Variants in RNASE10 observed in about 807,000 individuals in gnomAD.
RNASE10 encodes the protein inactive ribonuclease-like protein 10.
In RNASE10, 2 loss-of-function variants were observed where a neutral mutation model predicts 1.1. The ratio of observed to expected loss-of-function variants is 1.82; its 90% CI spans 0.74 to 5.73. The LOEUF is 5.73. RNASE10 is among the 30% of genes most tolerant of loss of function. The probability of loss-of-function intolerance (pLI) is 0.05; values close to 1 mark genes in which losing one functional copy is unlikely to be tolerated. For missense variants in RNASE10, 276 were observed against 263.4 expected, an observed-to-expected ratio of 1.05 and a Z score of -0.33; for synonymous variants, 97 against 96.2, an observed-to-expected ratio of 1.01 and a Z score of -0.05.
chr14:20,507,314 C>T (rs1882768859), intron 1 of RNASE10, among the ~76,000 whole-genome samples: 1 of 133,370 alleles, frequency 7.5e-6, no homozygotes. Flanking sequence ...GTGACCTTAT[C>T]CCCAACCCTG....
At chr14:20,509,130 T>G (rs1882831590) in intron 1 of RNASE10, among the ~76,000 whole-genome samples, 1 of 152,238 alleles carries the variant, frequency 6.6e-6, no homozygotes, top group Non-Finnish European at 1.5e-5. Flanking sequence ...TGGCACCATC[T>G]TGGCCTTCTC....
At chr14:20,506,182 T>TGGG (rs533565506) in intron 1 of RNASE10, among the ~76,000 whole-genome samples, 163 bp downstream of exon 1, 560 of 85,644 alleles carry the variant, frequency 6.5e-3, no homozygotes, top group Non-Finnish European at 7.9e-3. Context: ...GGGAGGGAGG[T>TGGG]GGGGGGGGGT....
chr14:20,507,961 G>T (rs1320677573), intron 1 of RNASE10, among the ~76,000 whole-genome samples: 2 of 152,110 alleles, frequency 1.3e-5, no homozygotes, highest in African/African-American at 4.8e-5. Context: ...TGTTGCCCAG[G>T]CTGGTCTCAA....
intron 1 of RNASE10, among the ~76,000 whole-genome samples, chr14:20,508,684 T>A (rs1882814685): frequency 6.6e-6 from 1 of 152,048 alleles, no homozygotes; most frequent in Admixed American, 6.6e-5. Flanking sequence ...GGGAAAAACA[T>A]GCTGCAATTG....
Position 20,506,797 on chromosome 14 carries a change from C to G in RNASE10, c.79+778C>G, listed in dbSNP as rs1435081372. On this transcript the variant is annotated intron_variant, in intron 1 of 1. Transcript: ENST00000430083. ...CAGCCCCCCGCCCGGCCAGCCGCCC[C>G]GTCCGGGAGGGAGGTGGGGGGATCA... Among the ~76,000 whole-genome samples, 32 of 99,962 alleles carry G rather than the reference C, an allele frequency of 3.2e-4. No homozygotes were observed. In the South Asian group the frequency reaches 0.011, roughly 34 times the overall value. The allele number at this position is 99,962 out of a possible 152,430, so 65.6% of individuals were successfully genotyped here.
At chr14:20,507,086 C>T (rs866015764) in intron 1 of RNASE10, among the ~76,000 whole-genome samples, 2,979 of 143,892 alleles carry the variant, frequency 0.021, no homozygotes, top group Middle Eastern at 0.04. Flanking sequence ...AGCCCCTCTG[C>T]CCGGCCAGGA....
intron 1 of RNASE10, among the ~76,000 whole-genome samples, chr14:20,510,071 A>G (rs1882854419): frequency 1.3e-5 from 2 of 150,734 alleles, no homozygotes; most frequent in Admixed American, 1.3e-4. Context: ...GTGAGCTATG[A>G]TGGTGCCACT....
chr14:20,512,488 G>A (rs569636110), downstream of RNASE10, among the ~76,000 whole-genome samples: 1 of 152,314 alleles, frequency 6.6e-6, no homozygotes, highest in East Asian at 1.9e-4. Context: ...ATAGACCCAA[G>A]TCAGGGACAT....
chr14:20,507,476 CG>C (rs1882775765), intron 1 of RNASE10, among the ~76,000 whole-genome samples: 1 of 136,340 alleles, frequency 7.3e-6, no homozygotes, highest in Admixed American at 7.3e-5. Flanking sequence ...ACAAACACTG[CG>C]GAAGGCTGCA....
exon 2 of RNASE10, chr14:20,510,531 G>A: frequency 3.1e-6 from 5 of 1,614,086 alleles, no homozygotes; most frequent in Admixed American, 1.7e-5. Flanking sequence ...TGGGCCTGGG[G>A]ATGGGCCTGG....
upstream of RNASE10, among the ~76,000 whole-genome samples, chr14:20,505,168 A>G (rs909248750): frequency 1.1e-4 from 17 of 150,970 alleles, no homozygotes; most frequent in Non-Finnish European, 1.2e-4. Context: ...AAGAAAAAGT[A>G]AAACTCTGAT....
chr14:20,508,846 A>T (rs1212938169), intron 1 of RNASE10, among the ~76,000 whole-genome samples: 1 of 152,210 alleles, frequency 6.6e-6, no homozygotes, highest in Non-Finnish European at 1.5e-5. Flanking sequence ...AGAACAGTAC[A>T]TATAGGGCCT....
intron 1 of RNASE10, among the ~76,000 whole-genome samples, chr14:20,510,190 C>T (rs764736813): frequency 6.6e-6 from 1 of 151,864 alleles, no homozygotes; most frequent in African/African-American, 2.4e-5. Context: ...TGTAAATTAC[C>T]TCAGAACTGC....
chr14:20,508,401 C>A (rs964454623), intron 1 of RNASE10, among the ~76,000 whole-genome samples: 1 of 152,086 alleles, frequency 6.6e-6, no homozygotes, highest in Non-Finnish European at 1.5e-5. Context: ...AATCTCTCAC[C>A]GTCTCACTCC....
intron 1 of RNASE10, among the ~76,000 whole-genome samples, chr14:20,507,939 G>A (rs1594440670): frequency 6.6e-6 from 1 of 151,872 alleles, no homozygotes; most frequent in East Asian, 1.9e-4. Flanking sequence ...TTGTAGAGAT[G>A]GGGTTTCACC....
downstream of RNASE10, among the ~76,000 whole-genome samples, chr14:20,511,552 G>C (rs1012528162): frequency 6.6e-6 from 1 of 152,070 alleles, no homozygotes; most frequent in Non-Finnish European, 1.5e-5. Context: ...TCTCTATTGC[G>C]GATGAAGTTA....
chr14:20,513,655 C>T (rs773637189), downstream of RNASE10, among the ~76,000 whole-genome samples: 1 of 152,232 alleles, frequency 6.6e-6, no homozygotes, highest in Non-Finnish European at 1.5e-5. Context: ...GTGACCATTA[C>T]ATATTTCACT....
At chr14:20,507,083 C>A (rs1162185879) in intron 1 of RNASE10, among the ~76,000 whole-genome samples, 1 of 150,502 alleles carries the variant, frequency 6.6e-6, no homozygotes, top group Non-Finnish European at 1.5e-5. Flanking sequence ...AGGAGCCCCT[C>A]TGCCCGGCCA....
At chr14:20,507,145 G>C (rs1882763061) in intron 1 of RNASE10, among the ~76,000 whole-genome samples, 1 of 147,970 alleles carries the variant, frequency 6.8e-6, no homozygotes, top group South Asian at 2.2e-4. Flanking sequence ...GGGCCATGAT[G>C]ACAATGGCGG....
Sources: allele counts gnomAD v4.1 joint callset (sites outside exome capture counted in the v4.1 genomes callset), GRCh38; gene constraint gnomAD v4.1.1; transcripts MANE v1.5; gene names NCBI Gene and HGNC (gene_info 2026-07-23, HGNC 2026-07-21).